The following HPGD variants were observed in gnomAD, a reference collection of about 807,000 sequenced individuals.
The protein encoded by HPGD is 15-hydroxyprostaglandin dehydrogenase, also known as 15-hydroxyprostaglandin dehydrogenase [NAD(+)].
In HPGD, 29 loss-of-function variants were observed where a neutral mutation model predicts 30.0. The ratio of observed to expected loss-of-function variants is 0.97; its 90% CI spans 0.72 to 1.32. The LOEUF is 1.32. Among genes scored for constraint, HPGD ranks in the 40% most tolerant of loss-of-function variants. The pLI is 0.00. For missense variants in HPGD, 340 were observed against 322.1 expected, an observed-to-expected ratio of 1.06 and a Z score of -0.43; for synonymous variants, 99 against 112.4, an observed-to-expected ratio of 0.88 and a Z score of 0.75.
At position 174,491,959 on chromosome 4, in the gene HPGD, T is replaced by A; in HGVS notation, c.798A>T (p.Gln266His). The change falls in exon 7 of 7, where the codon CAA becomes CAT. Residue 266 changes from glutamine to histidine, a missense_variant. Gln to His is a conservative substitution (Grantham distance 24). Coordinates refer to ENST00000296522, the MANE Select transcript of HPGD (RefSeq NM_000860.6). ...CTATGGCTAACACATAAGCTGTTCA[T>A]TGGGTTTTTGCTTGAAATGGAGTTG... ...YDTTPFQAKT[Q>H] 1 of 1,611,466 alleles carries A rather than the reference T, an allele frequency of 6.2e-7. No individual in the cohort carries two copies. Among genetic ancestry groups the A allele is most frequent in the South Asian group, 1.1e-5 (1 of 91,024 alleles).
At chr4:174,520,877 T>C (rs1736068173) in intron 2 of HPGD, among the ~76,000 whole-genome samples, 1 of 152,228 alleles carries the variant, frequency 6.6e-6, no homozygotes. Context: ...ATCTGTGTTA[T>C]AGGTCTTTAT....
intron 3 of HPGD, among the ~76,000 whole-genome samples, chr4:174,517,479 G>A (rs1232749323): frequency 1.3e-5 from 2 of 152,126 alleles, no homozygotes; most frequent in Non-Finnish European, 2.9e-5. Context: ...AATGCCACAG[G>A]ATCTTTTACA....
Position 174,493,256 on chromosome 4 carries a change from A to C in HPGD, c.557T>G (p.Val186Gly). Reference sequence around the variant, plus strand: ...AATTGATTCAAGGATGGCTGTGTTAACAAAGCCTGGACAAATGGCATTCAG... The same window carrying C: ...AATTGATTCAAGGATGGCTGTGTTACCAAAGCCTGGACAAATGGCATTCAG... ...VRLNAICPGFVNTAILESIEK... is the reference protein window; with the variant it reads ...VRLNAICPGFGNTAILESIEK... The change falls in exon 6 of 7, where the codon GTT (valine) becomes GGT (glycine). Residue 186 changes from valine to glycine, a missense_variant. By Grantham distance (109) the Val-to-Gly change is moderately radical (BLOSUM62 -3). Coordinates refer to ENST00000296522, the MANE Select transcript of HPGD (RefSeq NM_000860.6). 3 of 1,613,388 alleles carry C rather than the reference A, an allele frequency of 1.9e-6. No individual in the cohort carries two copies. The highest frequency in any genetic ancestry group is 2.5e-6 in the Non-Finnish European group (3 of 1,179,484).
In HPGD at chr4:174,493,329, GT is replaced by G; in HGVS notation, c.499-16del. 6.2e-7 allele frequency: 1 copy of G among 1,612,610 alleles called. No homozygotes were observed. Among genetic ancestry groups the G allele is most frequent in the Non-Finnish European group, 8.5e-7 (1 of 1,178,914 alleles). On this transcript the variant is annotated splice_polypyrimidine_tract_variant and intron_variant, in intron 5 of 6. Transcript: ENST00000296522. ...TTAGCAGCCAACTGCCAATTAGAAG[GT>G]TGTAGGTTTCAGCAGTTTCATAAAC...
chr4:174,504,959 T>C (rs1560981456), intron 4 of HPGD, among the ~76,000 whole-genome samples: 1 of 152,238 alleles, frequency 6.6e-6, no homozygotes, highest in Non-Finnish European at 1.5e-5. Flanking sequence ...TTTGTTTTAA[T>C]AGTTCAGGAT....
At chr4:174,499,532 T>G (rs1039479346) in intron 4 of HPGD, among the ~76,000 whole-genome samples, 1 of 152,176 alleles carries the variant, frequency 6.6e-6, no homozygotes, top group African/African-American at 2.4e-5. Flanking sequence ...GAAGAGTTAT[T>G]ATATGCCTTG....
upstream of HPGD, chr4:174,522,721 T>C (rs1407463541): frequency 1.7e-5 from 7 of 415,288 alleles, no homozygotes; most frequent in Admixed American, 8.9e-5. Context: ...GGCTCCGTGA[T>C]TGGCAGGCAG....
chr4:174,514,313 T>C (rs1420673050), intron 3 of HPGD, among the ~76,000 whole-genome samples: 4 of 152,050 alleles, frequency 2.6e-5, no homozygotes, highest in Admixed American at 6.5e-5. Flanking sequence ...TCCAAACACA[T>C]GTATGTATAT....
intron 3 of HPGD, among the ~76,000 whole-genome samples, chr4:174,514,782 A>C (rs905851615): frequency 6.6e-6 from 1 of 152,204 alleles, no homozygotes; most frequent in East Asian, 1.9e-4. Flanking sequence ...GTCTCTGCCC[A>C]AAGTTTCCTA....
intron 5 of HPGD, among the ~76,000 whole-genome samples, chr4:174,493,967 G>A (rs894648316): frequency 3.9e-5 from 6 of 152,178 alleles, no homozygotes; most frequent in African/African-American, 1.4e-4. Context: ...GCACAGGGCA[G>A]TGAGAAATTT....
chr4:174,498,749 T>C (rs1734766095), intron 4 of HPGD, among the ~76,000 whole-genome samples: 1 of 152,094 alleles, frequency 6.6e-6, no homozygotes, highest in Non-Finnish European at 1.5e-5. Flanking sequence ...TATAGGTAGA[T>C]TTTAACTGGT....
At chr4:174,495,897 C>A in intron 4 of HPGD, 1 of 438,480 alleles carries the variant, frequency 2.3e-6, no homozygotes, top group Non-Finnish European at 4.2e-6. Flanking sequence ...CCCAGGCCTT[C>A]TGGAAAGTCA....
At chr4:174,513,648 G>A (rs1216966554) in intron 3 of HPGD, among the ~76,000 whole-genome samples, 1 of 152,062 alleles carries the variant, frequency 6.6e-6, no homozygotes, top group Non-Finnish European at 1.5e-5. Flanking sequence ...CTACAGATTA[G>A]AGGATTCTAA....
Position 174,517,855 on chromosome 4 carries a change from C to T in HPGD, c.324+116G>A, listed in dbSNP as rs1318817975. On this transcript the variant is annotated intron_variant, in intron 3 of 6. Coordinates refer to ENST00000296522, the MANE Select transcript of HPGD (RefSeq NM_000860.6). Reference sequence around the variant, plus strand: ...TTTTATCCAGCTTTCTGTAACTTCCCTTTTTCAATATTGTAGGTCATTGTT... The same window carrying T: ...TTTTATCCAGCTTTCTGTAACTTCCTTTTTTCAATATTGTAGGTCATTGTT... 6.8e-5 allele frequency: 41 copies of T among 606,016 alleles called. No homozygotes were observed. The Admixed American group carries it at 1.2e-3, about 18-fold the overall frequency. 37.5% of individuals were successfully genotyped at this position (606,016 alleles called of 1,614,324 possible).
In HPGD at chr4:174,519,909, C is replaced by T. The variant is rs988052665; in HGVS notation, c.218-1832G>A. Among the ~76,000 whole-genome samples, 10 of 152,250 alleles carry T rather than the reference C, an allele frequency of 6.6e-5. No homozygotes were observed. The East Asian group carries it at 1.4e-3, about 21-fold the overall frequency. ...GTCTCGATCTCCTGACCTCGTGATC[C>T]GCCCGCCTCGGCCTCCCAAACTGCT... On this transcript the variant is annotated intron_variant, in intron 2 of 6. Coordinates refer to ENST00000296522, the MANE Select transcript of HPGD (RefSeq NM_000860.6).
intron 3 of HPGD, among the ~76,000 whole-genome samples, chr4:174,515,543 C>A (rs62332165): frequency 2.0e-4 from 30 of 152,016 alleles, no homozygotes; most frequent in Non-Finnish European, 3.8e-4. Context: ...ACACAAAGCA[C>A]CCCATTCTGA....
At chr4:174,521,889 G>T (rs1304290528) in intron 2 of HPGD, 55 bp downstream of exon 2, 5 of 1,610,844 alleles carry the variant, frequency 3.1e-6, no homozygotes, top group African/African-American at 1.3e-5. Flanking sequence ...CTGCCTTCAG[G>T]TTGTTGCTTG....
chr4:174,508,090 C>T (rs184052998), intron 4 of HPGD: 5 of 700,940 alleles, frequency 7.1e-6, no homozygotes, highest in Non-Finnish European at 1.3e-5. Flanking sequence ...AAAAAGGAAT[C>T]CAGCAGTTCT....
At chr4:174,511,906 A>T (rs1440120692) in intron 3 of HPGD, among the ~76,000 whole-genome samples, 1 of 152,174 alleles carries the variant, frequency 6.6e-6, no homozygotes, top group African/African-American at 2.4e-5. Context: ...TCGGTCTCCC[A>T]AAGTGCTGGG....
Sources: allele counts gnomAD v4.1 joint callset (sites outside exome capture counted in the v4.1 genomes callset), GRCh38; gene constraint gnomAD v4.1.1; transcripts MANE v1.5; gene names NCBI Gene and HGNC (gene_info 2026-07-23, HGNC 2026-07-21).